The following NKIRAS1 variants were observed in gnomAD, a reference collection of about 807,000 sequenced individuals.
The protein encoded by NKIRAS1 is NFKB inhibitor interacting Ras like 1, also known as NF-kappa-B inhibitor-interacting Ras-like protein 1.
A neutral mutation model predicts 19.8 loss-of-function variants in NKIRAS1; 16 were observed. The ratio of observed to expected loss-of-function variants is 0.81; its 90% CI spans 0.55 to 1.23. The LOEUF is 1.23. NKIRAS1 is among the 50% of genes most tolerant of loss of function. The pLI, the probability that NKIRAS1 is intolerant of heterozygous loss-of-function variation, is 0.00. For synonymous variants in NKIRAS1, 88 were observed against 79.0 expected, an observed-to-expected ratio of 1.11 and a Z score of -0.61; for missense variants, 184 against 220.0, an observed-to-expected ratio of 0.84 and a Z score of 1.04.
intron 1 of NKIRAS1, among the ~76,000 whole-genome samples, chr3:23,931,106 A>G (rs956042380): frequency 1.3e-5 from 2 of 152,216 alleles, no homozygotes; most frequent in African/African-American, 4.8e-5. Context: ...ATCTTTATGT[A>G]TGCAGCCTGA....
At chr3:23,896,240 C>G (rs1467900158) in intron 4 of NKIRAS1, among the ~76,000 whole-genome samples, 2 of 152,046 alleles carry the variant, frequency 1.3e-5, no homozygotes, top group East Asian at 3.9e-4. Context: ...TCCTCCTTCA[C>G]CCGGACAAGG....
chr3:23,906,871 T>A (rs1703116207), intron 3 of NKIRAS1, among the ~76,000 whole-genome samples: 1 of 152,146 alleles, frequency 6.6e-6, no homozygotes, highest in African/African-American at 2.4e-5. Context: ...TAAAATAACC[T>A]TTATTTTTTA....
intron 3 of NKIRAS1, among the ~76,000 whole-genome samples, chr3:23,902,961 G>A (rs548553958): frequency 6.6e-6 from 1 of 152,316 alleles, no homozygotes; most frequent in Admixed American, 6.5e-5. Context: ...CCATCCAGGG[G>A]AATCTGGAGA....
At chr3:23,921,156 C>CT (rs1178341674), upstream of NKIRAS1, among the ~76,000 whole-genome samples, 1 of 152,156 alleles carries the variant, frequency 6.6e-6, no homozygotes, top group Non-Finnish European at 1.5e-5. Context: ...TTAAACATGA[C>CT]TAATTTGGGA....
At chr3:23,942,465 CTT>C (rs1263223037) in intron 1 of NKIRAS1, among the ~76,000 whole-genome samples, 2 of 151,776 alleles carry the variant, frequency 1.3e-5, no homozygotes, top group Admixed American at 6.5e-5. Context: ...GAGTTTTGCT[CTT>C]GTTGCCCAGG....
intron 1 of NKIRAS1, chr3:23,946,024 G>GGCGGGGGC (rs1315826558): frequency 8.5e-6 from 7 of 820,822 alleles, no homozygotes; most frequent in Non-Finnish European, 1.0e-5. Context: ...GACACGTGGG[G>GGCGGGGGC]GCGGGGGCGC....
chr3:23,896,298 G>A (rs9876561), intron 4 of NKIRAS1, among the ~76,000 whole-genome samples: 30,278 of 151,154 alleles, frequency 0.2, 2,998 homozygotes, highest in Non-Finnish European at 0.21. Context: ...TCTCCCATTA[G>A]CATACAAACA....
At chr3:23,903,273 C>T (rs1229080066) in intron 3 of NKIRAS1, among the ~76,000 whole-genome samples, 1 of 152,114 alleles carries the variant, frequency 6.6e-6, no homozygotes, top group Non-Finnish European at 1.5e-5. Context: ...ACCACCAAGC[C>T]CCACTAATTC....
At chr3:23,921,704 A>T (rs997922293), upstream of NKIRAS1, 5 of 657,124 alleles carry the variant, frequency 7.6e-6, no homozygotes, top group African/African-American at 5.6e-5. Context: ...CCTCCCAAAT[A>T]GCCAGGACTA....
intron 3 of NKIRAS1, 114 bp downstream of exon 3, chr3:23,910,697 C>A (rs1703611771): frequency 1.4e-6 from 1 of 726,762 alleles, no homozygotes; most frequent in Admixed American, 2.3e-5. Context: ...TTTGGTCCCT[C>A]TGGATTATAC....
At chr3:23,930,738 T>C (rs538840294) in intron 1 of NKIRAS1, among the ~76,000 whole-genome samples, 2 of 152,338 alleles carry the variant, frequency 1.3e-5, no homozygotes, top group African/African-American at 4.8e-5. Flanking sequence ...TCGTACTCTG[T>C]CACCCAGGCA....
At chr3:23,920,227 T>C, upstream of NKIRAS1, 5 of 985,848 alleles carry the variant, frequency 5.1e-6, no homozygotes, top group Non-Finnish European at 6.0e-6. Flanking sequence ...TTAACCGTAA[T>C]GCTAATTGTG....
At chr3:23,904,892 A>C (rs1251843929) in intron 3 of NKIRAS1, among the ~76,000 whole-genome samples, 2 of 152,338 alleles carry the variant, frequency 1.3e-5, no homozygotes, top group East Asian at 3.9e-4. Flanking sequence ...AAAATAACCC[A>C]AATGTTCATG....
chr3:23,936,817 A>AT (rs1218375431), intron 1 of NKIRAS1, among the ~76,000 whole-genome samples: 1 of 152,214 alleles, frequency 6.6e-6, no homozygotes, highest in Non-Finnish European at 1.5e-5. Context: ...AAGTGCTGGG[A>AT]TTACAGGCGT....
intron 1 of NKIRAS1, among the ~76,000 whole-genome samples, chr3:23,929,593 A>AT (rs770421154): frequency 1.7e-3 from 248 of 148,354 alleles, no homozygotes; most frequent in Admixed American, 2.9e-3. Context: ...GACCAGGCTA[A>AT]TTTTTTTTGT....
At chr3:23,907,653 G>C (rs1703212031) in intron 3 of NKIRAS1, among the ~76,000 whole-genome samples, 1 of 152,184 alleles carries the variant, frequency 6.6e-6, no homozygotes, top group African/African-American at 2.4e-5. Flanking sequence ...TAAACGTATA[G>C]TTGCCATTAG....
Position 23,890,329 on chromosome 3 carries a change from C to G in NKIRAS1, c.*2766G>C, listed in dbSNP as rs1701362872. Among the ~76,000 whole-genome samples, 1 of 152,156 alleles carries G rather than the reference C, an allele frequency of 6.6e-6. No homozygotes were observed. The highest frequency in any genetic ancestry group is 2.1e-4 in the South Asian group (1 of 4,836). ...TAAAGCCTAAGCATTCCCTCTTCCC[C>G]CAACGTTATGTTTTTTTGAAATTTT... On this transcript the variant is annotated 3_prime_UTR_variant, in exon 5 of 5. Coordinates refer to ENST00000425478, the MANE Select transcript of NKIRAS1 (RefSeq NM_020345.4).
At chr3:23,930,715 TTC>T (rs1462441860) in intron 1 of NKIRAS1, among the ~76,000 whole-genome samples, 2 of 152,168 alleles carry the variant, frequency 1.3e-5, no homozygotes, top group African/African-American at 4.8e-5. Flanking sequence ...TTTTTTTATT[TTC>T]TGAGACAGGG....
At chr3:23,908,708 C>T (rs1167158513) in intron 3 of NKIRAS1, among the ~76,000 whole-genome samples, 1 of 152,028 alleles carries the variant, frequency 6.6e-6, no homozygotes, top group Non-Finnish European at 1.5e-5. Context: ...CAGACAGGGT[C>T]TCCTAAGTTG....
Sources: allele counts gnomAD v4.1 joint callset (sites outside exome capture counted in the v4.1 genomes callset), GRCh38; gene constraint gnomAD v4.1.1; transcripts MANE v1.5; gene names NCBI Gene and HGNC (gene_info 2026-07-23, HGNC 2026-07-21).